The following YTHDF2 variants were observed in gnomAD, a reference collection of about 807,000 sequenced individuals.
YTHDF2 encodes the protein YTH N6-methyladenosine RNA binding protein F2.
In YTHDF2, 2 loss-of-function variants were observed where a neutral mutation model predicts 50.4. The observed-to-expected ratio is 0.04, with a 90% CI of 0.02 to 0.12. YTHDF2 has a LOEUF of 0.12. YTHDF2 is among the 10% of genes least tolerant of loss of function. The pLI, the probability that YTHDF2 is intolerant of heterozygous loss-of-function variation, is 1.00. For synonymous variants in YTHDF2, 217 were observed against 255.6 expected (o/e 0.85, Z 1.44); for missense variants, 483 against 722.6 (o/e 0.67, Z 3.80).
At chr1:28,746,592 AC>A (rs770175891) in intron 4 of YTHDF2, among the ~76,000 whole-genome samples, 6 of 109,692 alleles carry the variant, frequency 5.5e-5, no homozygotes, top group Non-Finnish European at 1.2e-4. Flanking sequence ...TAAAAATACT[AC>A]AAAAAAAAAA....
chr1:28,737,842 A>T, intron 2 of YTHDF2, 160 bp downstream of exon 2: 4 of 781,952 alleles, frequency 5.1e-6, no homozygotes, highest in South Asian at 1.8e-5. Flanking sequence ...GTGTTCTTGC[A>T]GCTGGCGAAC....
intron 4 of YTHDF2, among the ~76,000 whole-genome samples, chr1:28,748,450 G>A (rs886646963): frequency 2.0e-5 from 3 of 152,192 alleles, no homozygotes; most frequent in African/African-American, 7.2e-5. Context: ...CCATAAAGAA[G>A]TAGGGAAGTA....
At chr1:28,745,771 G>A (rs1049407490) in intron 4 of YTHDF2, among the ~76,000 whole-genome samples, 6 of 140,748 alleles carry the variant, frequency 4.3e-5, no homozygotes, top group African/African-American at 1.1e-4. Flanking sequence ...CTGGCGTGGT[G>A]GCTCACACCT....
chr1:28,763,756 ATT>A (rs34426132), intron 4 of YTHDF2, among the ~76,000 whole-genome samples: 4 of 144,720 alleles, frequency 2.8e-5, no homozygotes, highest in East Asian at 4.1e-4. Context: ...TGCCCAGCCA[ATT>A]TTTTTTTTTT....
chr1:28,737,319 C>G, intron 1 of YTHDF2, 172 bp downstream of exon 1: 6 of 834,926 alleles, frequency 7.2e-6, no homozygotes, highest in Non-Finnish European at 1.0e-5. Flanking sequence ...TCAGCCTGTT[C>G]TTCCCGCTTC....
At position 28,737,287 on chromosome 1, in the gene YTHDF2, G is replaced by A. The variant is rs2124623020; in HGVS notation, c.27+140G>A. The A allele has an allele frequency of 7.2e-6, 8 of 1,103,670 alleles. 1 individual carries two copies. The South Asian group carries it at 8.6e-5, about 12-fold the overall frequency. 68.4% of individuals were successfully genotyped at this position (1,103,670 alleles called of 1,614,324 possible). ...GGCCAGGTTTCGGGCCTCTCAGGCC[G>A]GCCGCGCCCGGCGCCTCTCCCTCAG... On this transcript the variant is annotated intron_variant, in intron 1 of 4. Coordinates refer to ENST00000373812, the MANE Select transcript of YTHDF2 (RefSeq NM_016258.3).
chr1:28,760,552 C>T (rs2088106945), intron 4 of YTHDF2, among the ~76,000 whole-genome samples: 1 of 151,842 alleles, frequency 6.6e-6, no homozygotes, highest in African/African-American at 2.4e-5. Flanking sequence ...GCCTCGGCCT[C>T]CCATGGATTA....
intron 4 of YTHDF2, among the ~76,000 whole-genome samples, chr1:28,753,191 G>A (rs1163687484): frequency 6.6e-6 from 1 of 151,352 alleles, no homozygotes; most frequent in Non-Finnish European, 1.5e-5. Flanking sequence ...GAAGCTCATG[G>A]ACTACTCCAT....
At chr1:28,762,901 G>A (rs1449712741) in intron 4 of YTHDF2, among the ~76,000 whole-genome samples, 3 of 151,960 alleles carry the variant, frequency 2.0e-5, no homozygotes, top group East Asian at 1.9e-4. Context: ...GCAGTGGCGC[G>A]ATCTTGGCTC....
chr1:28,742,285 G>A, intron 3 of YTHDF2, 118 bp from the exon 4 acceptor site: 2 of 1,327,114 alleles, frequency 1.5e-6, no homozygotes, highest in African/African-American at 1.5e-5. Flanking sequence ...GTGAGCCACC[G>A]CGTCCGGCCT....
intron 4 of YTHDF2, among the ~76,000 whole-genome samples, chr1:28,756,750 C>T (rs1421481167): frequency 6.6e-6 from 1 of 152,066 alleles, no homozygotes; most frequent in Admixed American, 6.6e-5. Context: ...GGAAGAGTTA[C>T]CCAGGAGGGA....
intron 3 of YTHDF2, among the ~76,000 whole-genome samples, chr1:28,741,594 A>G (rs910732944): frequency 6.6e-6 from 1 of 152,168 alleles, no homozygotes; most frequent in Non-Finnish European, 1.5e-5. Flanking sequence ...GCGCCTGGCC[A>G]TATTTCTCAT....
chr1:28,736,888 G>A (rs1243273436), upstream of YTHDF2: 1 of 527,666 alleles, frequency 1.9e-6, no homozygotes, highest in Non-Finnish European at 3.3e-6. Flanking sequence ...TTAGGCGGTG[G>A]GGGGCGGGCG....
chr1:28,738,619 AT>A (rs879825581), intron 3 of YTHDF2, among the ~76,000 whole-genome samples: 1 of 151,766 alleles, frequency 6.6e-6, no homozygotes, highest in Non-Finnish European at 1.5e-5. Flanking sequence ...TAGTTTTTCT[AT>A]TTTTTTAGTA....
intron 4 of YTHDF2, among the ~76,000 whole-genome samples, chr1:28,747,639 T>C (rs1311913995): frequency 6.8e-6 from 1 of 147,880 alleles, no homozygotes; most frequent in Admixed American, 6.7e-5. Flanking sequence ...AGGATGGTCT[T>C]GATCTCCTGA....
chr1:28,753,358 C>CAAAAAAAAAAAAGAAAAAAAAAA lies in YTHDF2; in HGVS notation c.1716+9384_1716+9385insGAAAAAAAAAAAAAAAAAAAAAA, dbSNP rs2087985697. ...GCAACATAATGAAATCCTGCCTCTC[C>CAAAAAAAAAAAAGAAAAAAAAAA]AAAAAAAAAAAAAAAAAAAAAAAAA... On this transcript the variant is annotated intron_variant, in intron 4 of 4. Transcript: ENST00000373812. Among the ~76,000 whole-genome samples the CAAAAAAAAAAAAGAAAAAAAAAA allele has an allele frequency of 1.2e-4, 2 of 16,908 alleles. 1 individual carries two copies. The highest frequency in any genetic ancestry group is 1.9e-4 in the Non-Finnish European group (2 of 10,346). The allele number at this position is 16,908 out of a possible 152,430, so 11.1% of individuals were successfully genotyped here.
chr1:28,763,039 C>T (rs2088158296), intron 4 of YTHDF2, among the ~76,000 whole-genome samples: 1 of 151,926 alleles, frequency 6.6e-6, no homozygotes, highest in Admixed American at 6.6e-5. Context: ...GTTGGCCAGC[C>T]CTGTCTTGAG....
intron 4 of YTHDF2, among the ~76,000 whole-genome samples, chr1:28,756,449 T>G (rs2088036837): frequency 6.6e-6 from 1 of 152,200 alleles, no homozygotes; most frequent in Non-Finnish European, 1.5e-5. Context: ...CTAACAGTTT[T>G]TAGCATTGGA....
At chr1:28,738,429 A>ATT in intron 3 of YTHDF2, 91 bp downstream of exon 3, 2 of 1,154,408 alleles carry the variant, frequency 1.7e-6, no homozygotes, top group Non-Finnish European at 1.2e-6. Flanking sequence ...CTGAGGATTC[A>ATT]TTTTTTTTTC....
Sources: allele counts gnomAD v4.1 joint callset (sites outside exome capture counted in the v4.1 genomes callset), GRCh38; gene constraint gnomAD v4.1.1; transcripts MANE v1.5; gene names NCBI Gene and HGNC (gene_info 2026-07-23, HGNC 2026-07-21).